The following SRGAP3 variants were observed in gnomAD, a reference collection of about 807,000 sequenced individuals.
The protein encoded by SRGAP3 is SLIT-ROBO Rho GTPase activating protein 3.
Under a neutral mutation model 121.1 loss-of-function variants are expected in SRGAP3, and 39 were observed. The observed-to-expected ratio is 0.32, with a 90% CI of 0.25 to 0.42. The LOEUF (loss-of-function observed/expected upper bound fraction) is 0.42, where lower values mean the gene tolerates loss of function less well. SRGAP3 is among the 10% of genes least tolerant of loss of function. The pLI, the probability that SRGAP3 is intolerant of heterozygous loss-of-function variation, is 1.00. For missense variants in SRGAP3, 1,213 were observed against 1,470.6 expected (o/e 0.82, Z 2.86); for synonymous variants, 601 against 570.0 (o/e 1.05, Z -0.77).
intron 3 of SRGAP3, among the ~76,000 whole-genome samples, chr3:9,311,116 G>A (rs1955234702): frequency 6.6e-6 from 1 of 151,348 alleles, no homozygotes; most frequent in African/African-American, 2.4e-5. Flanking sequence ...GTTGCAGTGA[G>A]CCCAGGTTGC....
intron 1 of SRGAP3, among the ~76,000 whole-genome samples, chr3:9,139,786 C>T (rs1330695429): frequency 6.6e-6 from 1 of 152,078 alleles, no homozygotes; most frequent in African/African-American, 2.4e-5. Flanking sequence ...TATAGAGTAT[C>T]GTCTAAAAGG....
chr3:9,065,177 T>C (rs1311651486), intron 4 of SRGAP3: 3 of 152,230 alleles, frequency 2.0e-5, no homozygotes, highest in South Asian at 2.1e-4. Context: ...AGTAACCCAA[T>C]AGATATTCTA....
At chr3:9,164,788 T>G (rs1950725188) in intron 1 of SRGAP3, among the ~76,000 whole-genome samples, 1 of 152,258 alleles carries the variant, frequency 6.6e-6, no homozygotes, top group South Asian at 2.1e-4. Context: ...TCTACTACTG[T>G]CGGCGTCTAC....
At chr3:9,104,657 C>T (rs756207611) in intron 3 of SRGAP3, 23 bp downstream of exon 3, 29 of 1,613,600 alleles carry the variant, frequency 1.8e-5, no homozygotes, top group Admixed American at 5.0e-5. Flanking sequence ...ACCTGGGACA[C>T]GTAGAGCAGC....
chr3:9,296,863 A>G (rs1271173478), intron 3 of SRGAP3, among the ~76,000 whole-genome samples: 1 of 152,002 alleles, frequency 6.6e-6, no homozygotes, highest in Non-Finnish European at 1.5e-5. Flanking sequence ...AGGATATGCC[A>G]CCTCTACCAC....
At position 9,330,061 on chromosome 3, in the gene SRGAP3, C is replaced by T. The variant is rs1263501550; in HGVS notation, n.283+467G>A. 8.5e-5 allele frequency among the ~76,000 whole-genome samples: 13 copies of T among 152,314 alleles called. No homozygotes were observed. The East Asian group carries it at 1.5e-3, about 18-fold the overall frequency. On this transcript the variant is annotated intron_variant and non_coding_transcript_variant, in intron 2 of 3. Coordinates refer to the SRGAP3 transcript ENST00000490889. ...ACTTCGCTGCCTCCCAGGCCTAATGCATAAGCCAGAAGGAACTCAGTTTTC... is the reference window on the plus strand; with the variant it reads ...ACTTCGCTGCCTCCCAGGCCTAATGTATAAGCCAGAAGGAACTCAGTTTTC...
At chr3:9,229,426 T>A (rs796492506) in intron 1 of SRGAP3, among the ~76,000 whole-genome samples, 12 of 152,202 alleles carry the variant, frequency 7.9e-5, no homozygotes, top group African/African-American at 2.9e-4. Flanking sequence ...CCTGGAGCAA[T>A]AGAGCTGAGA....
intron 3 of SRGAP3, among the ~76,000 whole-genome samples, chr3:9,298,122 G>A (rs1954983035): frequency 6.6e-6 from 1 of 152,048 alleles, no homozygotes; most frequent in African/African-American, 2.4e-5. Context: ...TTACAGTTAT[G>A]GCAGCCTTAG....
In SRGAP3 at chr3:9,047,346, T is replaced by G. The variant is rs561074925; in HGVS notation, c.1408+45A>C. The G allele has an allele frequency of 5.0e-6, 8 of 1,596,928 alleles. No individual in the cohort carries two copies. In the South Asian group the frequency reaches 7.8e-5, roughly 16 times the overall value. ...GTCAGGGGGCCACAGTGAGAGCCAG[T>G]GGGGAACGCAGCACCTCCCAGAGGG... On this transcript the variant is annotated intron_variant, in intron 10 of 21. Transcript: ENST00000383836.
At chr3:9,021,290 A>G (rs1340658733) in intron 14 of SRGAP3, among the ~76,000 whole-genome samples, 1 of 152,206 alleles carries the variant, frequency 6.6e-6, no homozygotes, top group Non-Finnish European at 1.5e-5. Context: ...CCCTCCACAT[A>G]AGGAGAGACC....
At chr3:9,234,536 G>C (rs1953334626) in intron 1 of SRGAP3, among the ~76,000 whole-genome samples, 1 of 152,126 alleles carries the variant, frequency 6.6e-6, no homozygotes, top group African/African-American at 2.4e-5. Flanking sequence ...GGCACTATAA[G>C]CTATAGAAGG....
intron 3 of SRGAP3, among the ~76,000 whole-genome samples, chr3:9,266,509 T>C (rs1173066644): frequency 1.3e-5 from 2 of 152,120 alleles, no homozygotes; most frequent in East Asian, 3.8e-4. Context: ...ATGCCTGACA[T>C]ATAATAGGTG....
chr3:9,302,892 T>C (rs1356546663), intron 3 of SRGAP3, among the ~76,000 whole-genome samples: 1 of 152,090 alleles, frequency 6.6e-6, no homozygotes, highest in Non-Finnish European at 1.5e-5. Context: ...ATGGGTAAAA[T>C]GACACCGAAG....
chr3:9,165,409 T>C (rs975669780), intron 1 of SRGAP3, among the ~76,000 whole-genome samples: 1 of 152,196 alleles, frequency 6.6e-6, no homozygotes, highest in Non-Finnish European at 1.5e-5. Flanking sequence ...CCCTCCTTCA[T>C]CATCCCTGTG....
intron 12 of SRGAP3, chr3:9,028,184 C>G: frequency 1.2e-6 from 2 of 1,609,556 alleles, no homozygotes; most frequent in Non-Finnish European, 1.7e-6. Context: ...AAAGATTATG[C>G]AGGAATAAGA....
chr3:9,224,318 C>T (rs867024929), intron 1 of SRGAP3, among the ~76,000 whole-genome samples: 107 of 152,246 alleles, frequency 7.0e-4, no homozygotes, highest in African/African-American at 2.6e-3. Context: ...AAATGTCATG[C>T]CATTTACAAG....
intron 3 of SRGAP3, among the ~76,000 whole-genome samples, chr3:9,287,730 C>T (rs1381953969): frequency 2.0e-5 from 3 of 152,154 alleles, no homozygotes; most frequent in South Asian, 4.1e-4. Flanking sequence ...TGCAAGAAAC[C>T]TGCACTTGTA....
At chr3:9,036,773 T>C (rs1944765898) in intron 11 of SRGAP3, 1 of 152,186 alleles carries the variant, frequency 6.6e-6, no homozygotes, top group Admixed American at 6.5e-5. Flanking sequence ...CAGAATTTGG[T>C]GTAAAATACA....
chr3:9,212,717 AAAAG>A (rs1952488087), intron 1 of SRGAP3, among the ~76,000 whole-genome samples: 2 of 152,212 alleles, frequency 1.3e-5, no homozygotes, highest in Non-Finnish European at 2.9e-5. Flanking sequence ...CCGTCTCAAA[AAAAG>A]AAAGAAAGAA....
Sources: allele counts gnomAD v4.1 joint callset (sites outside exome capture counted in the v4.1 genomes callset), GRCh38; gene constraint gnomAD v4.1.1; transcripts MANE v1.5; gene names NCBI Gene and HGNC (gene_info 2026-07-23, HGNC 2026-07-21).